MYBPC1: variants seen among roughly 807,000 people sequenced by gnomAD.
MYBPC1 encodes the protein myosin binding protein C1, also known as myosin-binding protein C, slow-type.
MYBPC1 carries 52 observed loss-of-function variants against 147.1 expected under a neutral mutation model. The ratio of observed to expected loss-of-function variants is 0.35; its 90% confidence interval spans 0.28 to 0.45. The LOEUF (loss-of-function observed/expected upper bound fraction) is 0.45, where lower values mean the gene tolerates loss of function less well. Ranked by LOEUF, MYBPC1 falls within the 20% of genes least tolerant of loss-of-function variation. The pLI, the probability that MYBPC1 is intolerant of heterozygous loss-of-function variation, is 1.00. For synonymous variants in MYBPC1, 477 were observed against 475.9 expected, an observed-to-expected ratio of 1.00 and a Z score of -0.03; for missense variants, 1,228 against 1,440.3, an observed-to-expected ratio of 0.85 and a Z score of 2.39.
intron 24 of MYBPC1, among the ~76,000 whole-genome samples, chr12:101,672,006 C>T (rs886739677): frequency 6.6e-6 from 1 of 152,110 alleles, no homozygotes; most frequent in Non-Finnish European, 1.5e-5. Context: ...AGTGACTTGC[C>T]CAATGTCACA....
chr12:101,609,599 A>G (rs937782010), intron 1 of MYBPC1, among the ~76,000 whole-genome samples: 2 of 152,144 alleles, frequency 1.3e-5, no homozygotes, highest in Non-Finnish European at 2.9e-5. Flanking sequence ...GCAGACTCCA[A>G]GAGTCAGAAT....
At chr12:101,634,236 C>T (rs1033804837) in intron 8 of MYBPC1, among the ~76,000 whole-genome samples, 17 of 152,272 alleles carry the variant, frequency 1.1e-4, no homozygotes, top group African/African-American at 4.1e-4. Flanking sequence ...TTTCTGGGTG[C>T]CCCTCCCTGA....
chr12:101,666,501 T>C lies in MYBPC1; in HGVS notation c.2357-1231T>C. The C allele has an allele frequency of 6.2e-6, 3 of 482,884 alleles. No individual in the cohort carries two copies. The South Asian group carries it at 6.3e-5, about 10-fold the overall frequency. The allele number at this position is 482,884 out of a possible 1,614,324, so 29.9% of individuals were successfully genotyped here. On this transcript the variant is annotated intron_variant, in intron 22 of 31. Coordinates refer to ENST00000361466, the MANE Select transcript of MYBPC1 (RefSeq NM_002465.4). ...TCCTTTCTCCTCTTCTCTATTCTTT[T>C]CTTTTTTCTCCTCTTCTCTGTGGCA...
intron 30 of MYBPC1, among the ~76,000 whole-genome samples, 157 bp from the exon 31 acceptor site, chr12:101,684,225 C>G (rs190179744): frequency 4.2e-4 from 64 of 152,134 alleles, no homozygotes; most frequent in Non-Finnish European, 5.4e-4. Context: ...ATTTCATGTG[C>G]TTCTATTTTC....
intron 23 of MYBPC1, 101 bp downstream of exon 23, chr12:101,668,000 C>T (rs2136595268): frequency 7.6e-7 from 1 of 1,319,942 alleles, no homozygotes. Flanking sequence ...TTTGTTGTTA[C>T]TCCTTTGATA....
chr12:101,694,979 C>G, the MYBPC1 span, among the ~76,000 whole-genome samples: 1 of 152,176 alleles, frequency 6.6e-6, no homozygotes, highest in African/African-American at 2.4e-5. Flanking sequence ...TTATACTTAT[C>G]TCCTAGGATA....
At chr12:101,606,466 A>ATT (rs34796532) in intron 1 of MYBPC1, among the ~76,000 whole-genome samples, 3,947 of 141,246 alleles carry the variant, frequency 0.028, 212 homozygotes, top group East Asian at 0.23. Flanking sequence ...TCAATTTAGT[A>ATT]TTTTTTTTTT....
rs1333875645 is a variant in MYBPC1, at chr12:101,644,648, T to G, written c.833-16T>G. ...ATACATATATTAACATACTTTTGCT[T>G]CTTCTATTCTATCAGCTTTTGCAAA... is the stretch of plus-strand genomic sequence containing the variant. On this transcript the variant is annotated splice_polypyrimidine_tract_variant and intron_variant, in intron 11 of 31. Transcript: ENST00000361466. 1.2e-6 allele frequency: 2 copies of G among 1,605,170 alleles called. No homozygotes were observed. The highest frequency in any genetic ancestry group is 2.2e-5 in the East Asian group (1 of 44,808).
rs569329454 is a variant in MYBPC1 at position 101,646,597 on chromosome 12, C to T, written c.966-166C>T. 63 of 731,892 alleles carry T rather than the reference C, an allele frequency of 8.6e-5. 1 individual carries two copies. Among genetic ancestry groups the T allele is most frequent in the South Asian group, 5.9e-4 (35 of 59,496 alleles). The allele number at this position is 731,892 out of a possible 1,614,324, so 45.3% of individuals were successfully genotyped here. ...GAGGCTCCAATTAGCTATGTTTGCACCACTGCACTCCTGCCTGTGCAACAG... is the reference window on the plus strand; with the variant it reads ...GAGGCTCCAATTAGCTATGTTTGCATCACTGCACTCCTGCCTGTGCAACAG... On this transcript the variant is annotated intron_variant, in intron 12 of 31. Coordinates refer to ENST00000361466, the MANE Select transcript of MYBPC1 (RefSeq NM_002465.4).
intron 1 of MYBPC1, among the ~76,000 whole-genome samples, chr12:101,611,780 A>C (rs1200000653): frequency 2.0e-5 from 3 of 152,184 alleles, no homozygotes; most frequent in Non-Finnish European, 4.4e-5. Flanking sequence ...GAAGAACAGA[A>C]TAGAATAATC....
the MYBPC1 span, among the ~76,000 whole-genome samples, chr12:101,694,174 A>G: frequency 1.1e-4 from 17 of 152,272 alleles, no homozygotes; most frequent in South Asian, 3.5e-3. Context: ...AAAAATTACC[A>G]ATACCTTTGA....
chr12:101,641,115 G>GA (rs34380289), intron 10 of MYBPC1, among the ~76,000 whole-genome samples: 53,997 of 106,230 alleles, frequency 0.51, 11,860 homozygotes, highest in Middle Eastern at 0.65. Context: ...CTGTCTCAAA[G>GA]AAAAAAAAAA....
chr12:101,636,205 A>G (rs904878973), intron 9 of MYBPC1, among the ~76,000 whole-genome samples: 2 of 152,196 alleles, frequency 1.3e-5, no homozygotes, highest in African/African-American at 4.8e-5. Flanking sequence ...AGAGGTTACC[A>G]TTGAATATAA....
chr12:101,595,496 T>C (rs1331909910), intron 1 of MYBPC1, among the ~76,000 whole-genome samples: 1 of 152,188 alleles, frequency 6.6e-6, no homozygotes, highest in Non-Finnish European at 1.5e-5. Context: ...TAAAATATTT[T>C]CTCAAATGGT....
chr12:101,601,253 G>A (rs955942453), intron 1 of MYBPC1, among the ~76,000 whole-genome samples: 4 of 152,140 alleles, frequency 2.6e-5, no homozygotes, highest in Non-Finnish European at 5.9e-5. Context: ...TTTTTACAAA[G>A]ACAGCCCCCC....
intron 2 of MYBPC1, chr12:101,614,746 C>A: frequency 1.7e-6 from 1 of 604,830 alleles, no homozygotes. Flanking sequence ...GATGGCACTT[C>A]ATATATATTA....
rs1247772150 is a variant in MYBPC1, at chr12:101,681,578, ATATATATATATATATTTTTTTTTTTTTTT to A, written c.3434-1024_3434-996del. Among the ~76,000 whole-genome samples, 8 of 23,064 alleles carry A rather than the reference ATATATATATATATATTTTTTTTTTTTTTT, an allele frequency of 3.5e-4. 1 individual carries two copies. Among genetic ancestry groups the A allele is most frequent in the African/African-American group, 1.8e-3 (8 of 4,442 alleles). The allele number at this position is 23,064 out of a possible 152,430, so 15.1% of individuals were successfully genotyped here. A position where few individuals can be genotyped will look rare whatever the true frequency, so the allele number is the denominator to read the frequency against. The stretch of plus-strand genomic sequence containing the variant: ...TTCATATATATATATATATATATAT[ATATATATATATATATTTTTTTTTTTTTTT>A]TTTTTTTTTTTTTTTTTTTGAGACA... On this transcript the variant is annotated intron_variant, in intron 29 of 31. Transcript: ENST00000361466.
At chr12:101,682,143 C>A (rs926177567) in intron 29 of MYBPC1, among the ~76,000 whole-genome samples, 9 of 151,834 alleles carry the variant, frequency 5.9e-5, no homozygotes, top group Non-Finnish European at 1.0e-4. Flanking sequence ...AAACTGCTAG[C>A]CTTATTAGTT....
At chr12:101,630,738 A>G (rs1889718352) in intron 6 of MYBPC1, among the ~76,000 whole-genome samples, 1 of 152,224 alleles carries the variant, frequency 6.6e-6, no homozygotes, top group East Asian at 1.9e-4. Context: ...GAGCAGAGAA[A>G]AAAATAAACA....
Sources: allele counts gnomAD v4.1 joint callset (sites outside exome capture counted in the v4.1 genomes callset), GRCh38; gene constraint gnomAD v4.1.1; transcripts MANE v1.5; gene names NCBI Gene and HGNC (gene_info 2026-07-23, HGNC 2026-07-21).